The following LUZP2 variants were observed in gnomAD, a reference collection of about 807,000 sequenced individuals.
The protein encoded by LUZP2 is leucine zipper protein 2.
In LUZP2, 52 loss-of-function variants were observed where a neutral mutation model predicts 51.6. That is an observed-to-expected ratio of 1.01 (90% CI 0.81 to 1.27). The LOEUF (loss-of-function observed/expected upper bound fraction) is 1.27, where lower values mean the gene tolerates loss of function less well. Ranked by LOEUF, LUZP2 falls within the 50% of genes most tolerant of loss-of-function variation. The probability of loss-of-function intolerance (pLI) is 0.00; values close to 1 mark genes in which losing one functional copy is unlikely to be tolerated. For missense variants in LUZP2, 436 were observed against 395.4 expected, an observed-to-expected ratio of 1.10 and a Z score of -0.87; for synonymous variants, 154 against 137.3, an observed-to-expected ratio of 1.12 and a Z score of -0.85.
chr11:24,689,117 G>T (rs1856987031), intron 1 of LUZP2, among the ~76,000 whole-genome samples: 1 of 152,134 alleles, frequency 6.6e-6, no homozygotes, highest in Non-Finnish European at 1.5e-5. Flanking sequence ...GAAATGAAAG[G>T]AAGTAAAGTA....
At chr11:24,843,077 T>C (rs1851085862) in intron 5 of LUZP2, among the ~76,000 whole-genome samples, 1 of 151,842 alleles carries the variant, frequency 6.6e-6, no homozygotes, top group African/African-American at 2.4e-5. Context: ...CCAAAATATA[T>C]TTAAAATAAA....
chr11:24,826,358 A>G (rs927475326), intron 5 of LUZP2, among the ~76,000 whole-genome samples: 8 of 151,352 alleles, frequency 5.3e-5, no homozygotes, highest in African/African-American at 1.9e-4. Context: ...GGGTGGTTTA[A>G]AAGAAAATGA....
At chr11:24,680,541 A>C (rs184099582) in intron 1 of LUZP2, among the ~76,000 whole-genome samples, 136 of 152,330 alleles carry the variant, frequency 8.9e-4, no homozygotes, top group African/African-American at 3.1e-3. Context: ...TCAATGTCAT[A>C]CAGGGAATGA....
At chr11:24,717,303 A>ACTT (rs140858062) in intron 1 of LUZP2, among the ~76,000 whole-genome samples, 4,277 of 152,060 alleles carry the variant, frequency 0.028, 183 homozygotes, top group African/African-American at 0.097. Context: ...ATTTTAAAAA[A>ACTT]CTTTTAGGTT....
intron 10 of LUZP2, among the ~76,000 whole-genome samples, chr11:25,060,048 G>A (rs1366034002): frequency 6.6e-6 from 1 of 152,112 alleles, no homozygotes; most frequent in Non-Finnish European, 1.5e-5. Flanking sequence ...GCATCTGATT[G>A]ATGTGGGTAT....
intron 9 of LUZP2, among the ~76,000 whole-genome samples, chr11:25,007,135 A>G (rs972156662): frequency 2.0e-5 from 3 of 152,176 alleles, no homozygotes; most frequent in Non-Finnish European, 2.9e-5. Context: ...ACCTTTAGCT[A>G]GACACAGAGC....
At chr11:24,943,543 A>G (rs570319028) in intron 7 of LUZP2, among the ~76,000 whole-genome samples, 3 of 152,122 alleles carry the variant, frequency 2.0e-5, no homozygotes, top group Non-Finnish European at 4.4e-5. Flanking sequence ...ATTCTGGGGA[A>G]AGTCCATCTA....
chr11:24,694,121 G>A (rs1339613618), intron 1 of LUZP2, among the ~76,000 whole-genome samples: 1 of 151,912 alleles, frequency 6.6e-6, no homozygotes, highest in Non-Finnish European at 1.5e-5. Context: ...CTAAGTAAAA[G>A]GCAACAGTTT....
At chr11:24,713,694 T>G (rs1590386231) in intron 1 of LUZP2, among the ~76,000 whole-genome samples, 3 of 143,794 alleles carry the variant, frequency 2.1e-5, no homozygotes, top group Admixed American at 2.1e-4. Flanking sequence ...TTTTTTTTTT[T>G]TTTTTTTTTT....
At chr11:24,664,320 G>A (rs1422845124) in intron 1 of LUZP2, among the ~76,000 whole-genome samples, 1 of 152,158 alleles carries the variant, frequency 6.6e-6, no homozygotes, top group Non-Finnish European at 1.5e-5. Context: ...AGGGTATCAT[G>A]TGTAAGAAAT....
intron 5 of LUZP2, among the ~76,000 whole-genome samples, chr11:24,768,762 C>A (rs1860289649): frequency 1.8e-5 from 2 of 110,238 alleles, no homozygotes; most frequent in African/African-American, 5.8e-5. Flanking sequence ...GGAATGCTGG[C>A]AAGGATGTGG....
At chr11:24,520,177 G>T (rs1850599198) in intron 1 of LUZP2, among the ~76,000 whole-genome samples, 1 of 152,070 alleles carries the variant, frequency 6.6e-6, no homozygotes, top group Non-Finnish European at 1.5e-5. Flanking sequence ...AAATCAGGTA[G>T]AAAGACAGCT....
chr11:24,672,397 C>G (rs1056711096), intron 1 of LUZP2, among the ~76,000 whole-genome samples: 1 of 152,036 alleles, frequency 6.6e-6, no homozygotes, highest in African/African-American at 2.4e-5. Flanking sequence ...CACCTTTGGA[C>G]AAGATAATTT....
chr11:24,646,240 G>T (rs1410239068), intron 1 of LUZP2, among the ~76,000 whole-genome samples: 2 of 152,036 alleles, frequency 1.3e-5, no homozygotes, highest in African/African-American at 4.8e-5. Context: ...AAATGAGAAA[G>T]TAATACTGAT....
chr11:24,677,164 T>C (rs752812518), intron 1 of LUZP2, among the ~76,000 whole-genome samples: 14 of 152,214 alleles, frequency 9.2e-5, no homozygotes, highest in Non-Finnish European at 1.9e-4. Context: ...AATCTCCACC[T>C]GTAGCTGCCT....
intron 5 of LUZP2, among the ~76,000 whole-genome samples, chr11:24,767,228 A>T (rs2134042507): frequency 6.6e-6 from 1 of 152,324 alleles, no homozygotes; most frequent in African/African-American, 2.4e-5. Flanking sequence ...CTCATAATTC[A>T]TATATCAGCA....
At chr11:25,051,911 A>T (rs1858528823) in intron 10 of LUZP2, among the ~76,000 whole-genome samples, 1 of 152,016 alleles carries the variant, frequency 6.6e-6, no homozygotes, top group South Asian at 2.1e-4. Context: ...TCATAAATTG[A>T]TTTGTTCATA....
At chr11:24,829,093 C>T (rs551699253) in intron 5 of LUZP2, among the ~76,000 whole-genome samples, 1 of 152,220 alleles carries the variant, frequency 6.6e-6, no homozygotes, top group South Asian at 2.1e-4. Flanking sequence ...AGCTCTGCTG[C>T]CAACTATTTT....
intron 4 of LUZP2, among the ~76,000 whole-genome samples, chr11:24,756,667 C>T (rs1297005199): frequency 6.6e-6 from 1 of 152,164 alleles, no homozygotes; most frequent in African/African-American, 2.4e-5. Context: ...TGCTCCCATA[C>T]CACAACAATT....
Sources: allele counts gnomAD v4.1 joint callset (sites outside exome capture counted in the v4.1 genomes callset), GRCh38; gene constraint gnomAD v4.1.1; transcripts MANE v1.5; gene names NCBI Gene and HGNC (gene_info 2026-07-23, HGNC 2026-07-21).